IGF2BP3: variants seen among roughly 807,000 people sequenced by gnomAD.
The protein encoded by IGF2BP3 is insulin-like growth factor 2 mRNA-binding protein 3.
Under a neutral mutation model 73.8 loss-of-function variants are expected in IGF2BP3, and 9 were observed. The ratio of observed to expected loss-of-function variants is 0.12; its 90% CI spans 0.07 to 0.21. The LOEUF (loss-of-function observed/expected upper bound fraction) is 0.21. Ranked by LOEUF, IGF2BP3 falls within the 10% of genes least tolerant of loss-of-function variation. The probability of loss-of-function intolerance (pLI) is 1.00; values close to 1 mark genes in which losing one functional copy is unlikely to be tolerated. For missense variants in IGF2BP3, 542 were observed against 714.0 expected, an observed-to-expected ratio of 0.76 and a Z score of 2.75; for synonymous variants, 258 against 256.7, an observed-to-expected ratio of 1.01 and a Z score of -0.05.
chr7:23,320,985 A>G (rs540266717), intron 10 of IGF2BP3, among the ~76,000 whole-genome samples: 2 of 151,902 alleles, frequency 1.3e-5, no homozygotes, highest in Admixed American at 1.3e-4. Context: ...AACAAAAAAG[A>G]AAAGAAAGGA....
intron 10 of IGF2BP3, among the ~76,000 whole-genome samples, chr7:23,324,095 A>G (rs1784228594): frequency 6.6e-6 from 1 of 152,168 alleles, no homozygotes; most frequent in African/African-American, 2.4e-5. Flanking sequence ...GGAAATAGAG[A>G]CACAAAAAAC....
At chr7:23,342,239 A>G in intron 9 of IGF2BP3, 50 bp from the exon 10 acceptor site, 1 of 1,601,358 alleles carries the variant, frequency 6.2e-7, no homozygotes, top group Non-Finnish European at 8.5e-7. Context: ...GAATCAAGGG[A>G]AAGTGAGCAT....
chr7:23,465,475 G>A (rs1584074512), intron 2 of IGF2BP3, among the ~76,000 whole-genome samples: 1 of 152,290 alleles, frequency 6.6e-6, no homozygotes, highest in South Asian at 2.1e-4. Context: ...GTAATTGGGA[G>A]CTAAGCTTGG....
rs551624591 is a variant in IGF2BP3 at position 23,363,617 on chromosome 7, C to T, written c.286-1876G>A. Reference sequence around the variant, plus strand: ...CCTTTATTTTTATTTGGTAAATTTCCTTTGCATGAGGTAAATTTAATTTTT... The same window carrying T: ...CCTTTATTTTTATTTGGTAAATTTCTTTTGCATGAGGTAAATTTAATTTTT... On this transcript the variant is annotated intron_variant, in intron 3 of 14. Coordinates refer to ENST00000258729, the MANE Select transcript of IGF2BP3 (RefSeq NM_006547.3). Among the ~76,000 whole-genome samples, 3 of 152,196 alleles carry T rather than the reference C, an allele frequency of 2.0e-5. No individual in the cohort carries two copies. In the South Asian group the frequency reaches 6.2e-4, roughly 32 times the overall value.
At chr7:23,409,192 T>C (rs1323762259) in intron 3 of IGF2BP3, among the ~76,000 whole-genome samples, 1 of 152,176 alleles carries the variant, frequency 6.6e-6, no homozygotes, top group Non-Finnish European at 1.5e-5. Flanking sequence ...ACAGCCCAGT[T>C]CCTAACAGGC....
chr7:23,439,503 G>C (rs1441039700), intron 2 of IGF2BP3, among the ~76,000 whole-genome samples: 1 of 135,770 alleles, frequency 7.4e-6, no homozygotes, highest in Non-Finnish European at 1.5e-5. Flanking sequence ...CTTGCAGTGA[G>C]CCAAGATCGT....
chr7:23,375,722 T>C (rs189358596), intron 3 of IGF2BP3, among the ~76,000 whole-genome samples: 1,608 of 152,302 alleles, frequency 0.011, 17 homozygotes, highest in Non-Finnish European at 0.013. Context: ...CCAAAAGCAG[T>C]AGCAGACCAT....
At chr7:23,416,083 C>A (rs1787181770) in intron 3 of IGF2BP3, 2 of 152,216 alleles carry the variant, frequency 1.3e-5, no homozygotes, top group African/African-American at 2.4e-5. Flanking sequence ...CCATCATCAC[C>A]CCTGGTTAGA....
chr7:23,430,271 G>C lies in IGF2BP3; in HGVS notation c.237-11447C>G, dbSNP rs147507156. ...GTTAATTTTTTGTATTTTTAGTAGA[G>C]ACGGGGTTTCACCATGCTGGCCAGG... On this transcript the variant is annotated intron_variant, in intron 2 of 14. Coordinates refer to ENST00000258729, the MANE Select transcript of IGF2BP3 (RefSeq NM_006547.3). Among the ~76,000 whole-genome samples the C allele has an allele frequency of 2.4e-3, 364 of 152,226 alleles. 2 individuals carry two copies. Among genetic ancestry groups the C allele is most frequent in the African/African-American group, 8.0e-3 (332 of 41,550 alleles).
At chr7:23,341,788 AT>A (rs1051996962) in intron 10 of IGF2BP3, among the ~76,000 whole-genome samples, 9 of 152,034 alleles carry the variant, frequency 5.9e-5, no homozygotes, top group African/African-American at 1.9e-4. Flanking sequence ...AAGAAAAAAA[AT>A]TTTTTTAAAT....
At chr7:23,375,465 C>T (rs567580640) in intron 3 of IGF2BP3, among the ~76,000 whole-genome samples, 16 of 152,250 alleles carry the variant, frequency 1.1e-4, no homozygotes, top group African/African-American at 1.9e-4. Flanking sequence ...CTAGGCTTTT[C>T]GCCGCTAAAA....
At chr7:23,338,403 C>T (rs995624593) in intron 10 of IGF2BP3, among the ~76,000 whole-genome samples, 1 of 152,114 alleles carries the variant, frequency 6.6e-6, no homozygotes, top group African/African-American at 2.4e-5. Context: ...TGCCTGTAGT[C>T]CCAGCTACTT....
chr7:23,396,829 C>G (rs910857334), intron 3 of IGF2BP3, among the ~76,000 whole-genome samples: 1 of 152,208 alleles, frequency 6.6e-6, no homozygotes, highest in Non-Finnish European at 1.5e-5. Context: ...ATGTGAATTT[C>G]AGCCAAAGGA....
intron 10 of IGF2BP3, among the ~76,000 whole-genome samples, chr7:23,334,927 T>TG (rs1441258360): frequency 6.6e-6 from 1 of 152,080 alleles, no homozygotes; most frequent in Non-Finnish European, 1.5e-5. Context: ...TCCAGGTACC[T>TG]GGAAGGATGC....
At chr7:23,429,887 G>A (rs1780460893) in intron 2 of IGF2BP3, among the ~76,000 whole-genome samples, 1 of 152,140 alleles carries the variant, frequency 6.6e-6, no homozygotes, top group African/African-American at 2.4e-5. Flanking sequence ...TTACCTGTAA[G>A]TCCTGGATGC....
intron 3 of IGF2BP3, among the ~76,000 whole-genome samples, chr7:23,386,417 A>G (rs966480459): frequency 5.3e-5 from 8 of 152,202 alleles, no homozygotes; most frequent in Admixed American, 6.5e-5. Context: ...GAAAAAACCA[A>G]TCGCAACCAA....
At chr7:23,468,381 G>A in intron 2 of IGF2BP3, 101 bp downstream of exon 2, 2 of 1,194,884 alleles carry the variant, frequency 1.7e-6, no homozygotes, top group African/African-American at 3.0e-5. Context: ...CACGCCACAC[G>A]GCAGGGGGTA....
intron 10 of IGF2BP3, among the ~76,000 whole-genome samples, chr7:23,326,903 T>A: frequency 8.2e-6 from 1 of 121,250 alleles, no homozygotes; most frequent in Non-Finnish European, 1.6e-5. Context: ...AACATCACAC[T>A]CTGGGGACTG....
rs1280650423 is a variant in IGF2BP3 at position 23,324,259 on chromosome 7, A to C, written c.1204-5005T>G. 8.3e-4 allele frequency among the ~76,000 whole-genome samples: 125 copies of C among 151,130 alleles called. 1 individual carries two copies. Among genetic ancestry groups the C allele is most frequent in the Non-Finnish European group, 1.5e-3 (98 of 67,378 alleles). On this transcript the variant is annotated intron_variant, in intron 10 of 14. Transcript: ENST00000258729. ...GGGATATCACCACCGATCCCACAGA[A>C]ATACAAACTACCATCAGAGAATACT...
Sources: gnomAD v4.1 joint callset for allele counts (sites outside exome capture counted in the v4.1 genomes callset) on GRCh38, gnomAD v4.1.1 for gene constraint, MANE v1.5 for transcripts, NCBI Gene and HGNC (gene_info 2026-07-23, HGNC 2026-07-21) for gene names.